BCR: variants seen among roughly 807,000 people sequenced by gnomAD.
BCR encodes the protein breakpoint cluster region protein.
Under a neutral mutation model 138.6 loss-of-function variants are expected in BCR, and 58 were observed. The ratio of observed to expected loss-of-function variants is 0.42; its 90% CI spans 0.34 to 0.52. The LOEUF (loss-of-function observed/expected upper bound fraction) is 0.52, where lower values mean the gene tolerates loss of function less well. BCR is among the 20% of genes least tolerant of loss of function. The pLI, the probability that BCR is intolerant of heterozygous loss-of-function variation, is 0.06. For missense variants in BCR, 1,599 were observed against 1,727.2 expected (o/e 0.93, Z 1.32); for synonymous variants, 786 against 730.1 (o/e 1.08, Z -1.23).
chr22:23,186,467 G>A (rs537575336), intron 1 of BCR, among the ~76,000 whole-genome samples: 1 of 152,244 alleles, frequency 6.6e-6, no homozygotes, highest in Non-Finnish European at 1.5e-5. Context: ...CATTCACATT[G>A]TTGTACGACC....
chr22:23,297,496 A>C (rs765687654), intron 16 of BCR, among the ~76,000 whole-genome samples: 1 of 152,058 alleles, frequency 6.6e-6, no homozygotes, highest in Non-Finnish European at 1.5e-5. Context: ...AGGGAGGTAG[A>C]GGGAGCAGAC....
chr22:23,236,175 T>A (rs568936250), intron 1 of BCR, among the ~76,000 whole-genome samples: 2 of 152,166 alleles, frequency 1.3e-5, no homozygotes, highest in African/African-American at 4.8e-5. Context: ...CCAGGTGGCC[T>A]CCACGTACCT....
chr22:23,285,907 C>G (rs1243502242), intron 10 of BCR, among the ~76,000 whole-genome samples: 1 of 152,236 alleles, frequency 6.6e-6, no homozygotes, highest in Non-Finnish European at 1.5e-5. Flanking sequence ...TTTAAGGAAG[C>G]AGCAGGAATG....
intron 15 of BCR, among the ~76,000 whole-genome samples, chr22:23,293,296 G>A (rs537410105): frequency 1.3e-5 from 2 of 152,330 alleles, no homozygotes; most frequent in South Asian, 4.1e-4. Context: ...AGCTGGGCCT[G>A]CAGAGAGCTG....
rs548539065 is a variant in BCR, at chr22:23,238,007, A to G, written c.1280-15792A>G. 1.7e-4 allele frequency among the ~76,000 whole-genome samples: 26 copies of G among 152,314 alleles called. No individual in the cohort carries two copies. In the East Asian group the frequency reaches 4.6e-3, roughly 27 times the overall value. Reference sequence around the variant, plus strand: ...ATGACAAGTGATGCTTGTGCTTCTCAGTGCCGTTTCCTCCCTCTGATGGGG... The same window carrying G: ...ATGACAAGTGATGCTTGTGCTTCTCGGTGCCGTTTCCTCCCTCTGATGGGG... On this transcript the variant is annotated intron_variant, in intron 1 of 22. Transcript: ENST00000305877.
At chr22:23,297,999 G>A (rs1162452255) in intron 16 of BCR, among the ~76,000 whole-genome samples, 2 of 152,202 alleles carry the variant, frequency 1.3e-5, no homozygotes, top group African/African-American at 4.8e-5. Context: ...AGCAGTAAGT[G>A]TCGAAGAAAA....
At chr22:23,250,235 G>C (rs1419738877) in intron 1 of BCR, among the ~76,000 whole-genome samples, 1 of 152,226 alleles carries the variant, frequency 6.6e-6, no homozygotes, top group Non-Finnish European at 1.5e-5. Flanking sequence ...CCTTACACGG[G>C]AGTCAGTGTA....
intron 4 of BCR, among the ~76,000 whole-genome samples, chr22:23,267,280 G>A (rs921329733): frequency 1.3e-5 from 2 of 152,098 alleles, no homozygotes; most frequent in South Asian, 4.2e-4. Flanking sequence ...GGATGAGGAA[G>A]AACCTAGAAT....
chr22:23,226,284 T>C (rs1169250969), intron 1 of BCR, among the ~76,000 whole-genome samples: 1 of 151,292 alleles, frequency 6.6e-6, no homozygotes, highest in Non-Finnish European at 1.5e-5. Flanking sequence ...AATTATTTTA[T>C]ATTTATTGGC....
chr22:23,288,117 C>T lies in BCR; in HGVS notation c.2547C>T (p.Ser849=), dbSNP rs776689878. The T allele has an allele frequency of 7.4e-6, 12 of 1,613,910 alleles. No individual in the cohort carries two copies. Among genetic ancestry groups the T allele is most frequent in the Admixed American group, 1.7e-5 (1 of 59,994 alleles). The stretch of plus-strand genomic sequence containing the variant: ...CCTAGAGTTACACGTTCCTGATCTC[C>T]TCTGACTATGAGCGTGCAGAGTGGA... ...RNGKSYTFLI[S]SDYERAEWRE... is the part of the protein sequence containing the mutation. Residue 849 remains serine (S), a synonymous_variant, in exon 12 of 23, where the codon TCC becomes TCT. Coordinates refer to ENST00000305877, the MANE Select transcript of BCR (RefSeq NM_004327.4).
rs971992498 is a variant in BCR, at chr22:23,315,669, G to A, written c.*147G>A. On this transcript the variant is annotated 3_prime_UTR_variant, in exon 23 of 23. Coordinates refer to ENST00000305877, the MANE Select transcript of BCR (RefSeq NM_004327.4). ...TGCCAAGAGACAGCGACCCAAAGCC[G>A]AAGGACAGGTGGCCTGGAAAGATCC... 25 of 796,478 alleles carry A rather than the reference G, an allele frequency of 3.1e-5. No homozygotes were observed. Among genetic ancestry groups the A allele is most frequent in the Non-Finnish European group, 4.9e-5 (23 of 467,146 alleles). 49.3% of individuals were successfully genotyped at this position (796,478 alleles called of 1,614,324 possible).
At chr22:23,280,179 T>C (rs1297808255) in intron 8 of BCR, among the ~76,000 whole-genome samples, 1 of 152,186 alleles carries the variant, frequency 6.6e-6, no homozygotes, top group African/African-American at 2.4e-5. Context: ...CCTAACAGTA[T>C]GCTTCTTCCA....
Position 23,261,470 on chromosome 22 carries a change from A to G in BCR, c.1682A>G (p.Tyr561Cys), listed in dbSNP as rs1331183631. The change falls in exon 4 of 23, where the codon TAT (tyrosine) becomes TGT (cysteine). Residue 561 changes from tyrosine (Y) to cysteine (C), a missense_variant. This residue lies in a region of BCR where 590 missense variants were observed against 762.4 expected (regional missense o/e 0.77). Transcript: ENST00000305877. ...PELYEIHKEFYDGLFPRVQQW... is the reference protein window; with the variant it reads ...PELYEIHKEFCDGLFPRVQQW... ...CTCTACGAGATCCACAAGGAGTTCT[A>G]TGATGGGCTCTTCCCCCGCGTGCAG... is the stretch of plus-strand genomic sequence containing the variant. The G allele has an allele frequency of 7.4e-6, 12 of 1,613,774 alleles. No individual in the cohort carries two copies. Among genetic ancestry groups the G allele is most frequent in the East Asian group, 2.2e-5 (1 of 44,872 alleles).
At position 23,317,516 on chromosome 22, in the gene BCR, ATC is replaced by A. The variant is rs2074085918; in HGVS notation, c.*1996_*1997del. ...TGCCTCCTCTGGTCTCATGATGTGC[ATC>A]TGTTACCTTGAAACTGGAAACCAGT... On this transcript the variant is annotated 3_prime_UTR_variant, in exon 23 of 23. Transcript: ENST00000305877. 1 of 129,282 alleles carries A rather than the reference ATC, an allele frequency of 7.7e-6. No homozygotes were observed. The highest frequency in any genetic ancestry group is 1.4e-5 in the Non-Finnish European group (1 of 71,458). The allele number at this position is 129,282 out of a possible 1,614,324, so 8.0% of individuals were successfully genotyped here.
intron 1 of BCR, among the ~76,000 whole-genome samples, chr22:23,212,830 T>G (rs1035914593): frequency 1.3e-5 from 2 of 152,266 alleles, no homozygotes; most frequent in African/African-American, 4.8e-5. Flanking sequence ...GCAAGAGATG[T>G]GGCAGCTGCA....
intron 1 of BCR, among the ~76,000 whole-genome samples, chr22:23,211,571 C>T (rs1282198844): frequency 2.6e-5 from 4 of 151,640 alleles, no homozygotes; most frequent in Non-Finnish European, 5.9e-5. Context: ...CTGCAGCCTC[C>T]GCCTGCCGGG....
intron 1 of BCR, among the ~76,000 whole-genome samples, chr22:23,249,469 A>G (rs2146263418): frequency 6.6e-6 from 1 of 151,690 alleles, no homozygotes; most frequent in East Asian, 1.9e-4. Flanking sequence ...GCATAGTGGC[A>G]TGCACCTGTA....
At chr22:23,258,074 G>A (rs904981785) in intron 2 of BCR, among the ~76,000 whole-genome samples, 8 of 152,148 alleles carry the variant, frequency 5.3e-5, no homozygotes, top group East Asian at 1.9e-4. Context: ...TGGAACCTGC[G>A]TGTCCTTTTC....
At chr22:23,314,226 C>A (rs2074041506) in intron 21 of BCR, among the ~76,000 whole-genome samples, 153 bp downstream of exon 21, 1 of 152,204 alleles carries the variant, frequency 6.6e-6, no homozygotes, top group Admixed American at 6.5e-5. Context: ...CCACTGCCAC[C>A]CCTGCCCCAG....
Sources: gnomAD v4.1 joint callset for allele counts (sites outside exome capture counted in the v4.1 genomes callset) on GRCh38, gnomAD v4.1.1 for gene constraint, gnomAD v4.1.1 regional missense constraint, MANE v1.5 for transcripts, NCBI Gene and HGNC (gene_info 2026-07-23, HGNC 2026-07-21) for gene names.